ODAD2: variants seen among roughly 807,000 people sequenced by gnomAD.
ODAD2 encodes outer dynein arm docking complex subunit 2.
ODAD2 carries 89 observed loss-of-function variants against 106.8 expected under a neutral mutation model. The ratio of observed to expected loss-of-function variants is 0.83; its 90% CI spans 0.70 to 0.99. The LOEUF is 0.99. Ranked by LOEUF, ODAD2 falls within the 50% of genes least tolerant of loss-of-function variation. The pLI is 0.00. For missense variants in ODAD2, 1,168 were observed against 1,238.5 expected (o/e 0.94, Z 0.85); for synonymous variants, 404 against 436.2 (o/e 0.93, Z 0.92).
At position 27,924,048 on chromosome 10, in the gene ODAD2, GAGAAAGAAAGAA is replaced by G. The variant is rs373693559; in HGVS notation, c.2495+10950_2495+10961del. Among the ~76,000 whole-genome samples the G allele has an allele frequency of 4.7e-5, 6 of 126,820 alleles. No homozygotes were observed. In the South Asian group the frequency reaches 7.6e-4, roughly 16 times the overall value. The allele number at this position is 126,820 out of a possible 152,430, so 83.2% of individuals were successfully genotyped here. A position where few individuals can be genotyped will look rare whatever the true frequency, so the allele number is the denominator to read the frequency against. Reference sequence around the variant, plus strand: ...AAGGAAAGAGAAAGAAAGAAGGAAAGAGAAAGAAAGAAAGAAAGAAAGAAAGAGAATCCCAGT... The same window carrying G: ...AAGGAAAGAGAAAGAAAGAAGGAAAGAGAAAGAAAGAAAGAGAATCCCAGT... On this transcript the variant is annotated intron_variant, in intron 16 of 19. Transcript: ENST00000305242.
intron 7 of ODAD2, among the ~76,000 whole-genome samples, chr10:27,974,391 A>C (rs979733716): frequency 6.6e-6 from 1 of 152,096 alleles, no homozygotes; most frequent in African/African-American, 2.4e-5. Flanking sequence ...ATCCCGCTTG[A>C]GTTGATTTTT....
chr10:27,885,751 A>T (rs1161704484), intron 17 of ODAD2, among the ~76,000 whole-genome samples: 1 of 59,500 alleles, frequency 1.7e-5, no homozygotes, highest in Non-Finnish European at 2.9e-5. Flanking sequence ...GTTATATATA[A>T]TATATATTTT....
chr10:27,951,550 G>A (rs1847325731), intron 10 of ODAD2, among the ~76,000 whole-genome samples: 1 of 151,604 alleles, frequency 6.6e-6, no homozygotes, highest in African/African-American at 2.4e-5. Flanking sequence ...TGTTCCTCTA[G>A]AGAAAAAGAA....
At chr10:27,951,805 T>A (rs1001997558) in intron 10 of ODAD2, among the ~76,000 whole-genome samples, 4 of 152,022 alleles carry the variant, frequency 2.6e-5, no homozygotes, top group African/African-American at 4.8e-5. Flanking sequence ...CTGGACACAG[T>A]GGCTCACATC....
At chr10:27,824,684 C>A (rs1052115230) in intron 19 of ODAD2, among the ~76,000 whole-genome samples, 1 of 152,160 alleles carries the variant, frequency 6.6e-6, no homozygotes, top group African/African-American at 2.4e-5. Flanking sequence ...TAGGTTTCCT[C>A]CAGACTGTAA....
intron 17 of ODAD2, among the ~76,000 whole-genome samples, chr10:27,879,656 C>T (rs896243538): frequency 7.9e-5 from 12 of 152,156 alleles, no homozygotes; most frequent in African/African-American, 2.6e-4. Flanking sequence ...AACAGGGAGT[C>T]TTCAATTTAT....
chr10:27,906,600 C>T lies in ODAD2; in HGVS notation c.2610+1063G>A, dbSNP rs555084905. Among the ~76,000 whole-genome samples the T allele has an allele frequency of 4.6e-5, 7 of 152,302 alleles. No individual in the cohort carries two copies. In the East Asian group the frequency reaches 1.2e-3, roughly 25 times the overall value. Reference sequence around the variant, plus strand: ...GCAGCACTATTCACAATAGCAAAGACTTGGAACCAACCAAAACACCCATCA... The same window carrying T: ...GCAGCACTATTCACAATAGCAAAGATTTGGAACCAACCAAAACACCCATCA... On this transcript the variant is annotated intron_variant, in intron 17 of 19. Transcript: ENST00000305242.
intron 4 of ODAD2, 47 bp from the exon 5 acceptor site, chr10:27,984,337 C>G: frequency 8.1e-7 from 1 of 1,238,710 alleles, no homozygotes; most frequent in Non-Finnish European, 1.2e-6. Context: ...TAAACAGAAT[C>G]TAGGAAACAC....
intron 16 of ODAD2, among the ~76,000 whole-genome samples, chr10:27,924,018 GAAAGAAGGAA>G (rs1845034154): frequency 3.5e-5 from 5 of 141,798 alleles, no homozygotes; most frequent in Non-Finnish European, 6.1e-5. Flanking sequence ...AAGAAAGAAA[GAAAGAAGGAA>G]AGAGAAAGAA....
intron 19 of ODAD2, among the ~76,000 whole-genome samples, chr10:27,843,244 GC>G (rs1462113401): frequency 2.0e-5 from 3 of 152,172 alleles, no homozygotes; most frequent in African/African-American, 7.2e-5. Flanking sequence ...AATAAAAACA[GC>G]CTATCTGCAA....
chr10:27,937,220 C>T (rs1257201476), intron 14 of ODAD2, among the ~76,000 whole-genome samples: 6 of 152,204 alleles, frequency 3.9e-5, no homozygotes, highest in Middle Eastern at 6.8e-3. Context: ...TGATGCAACT[C>T]AGAGTCTTGG....
At chr10:27,915,148 C>CA (rs1301826145) in intron 16 of ODAD2, among the ~76,000 whole-genome samples, 1 of 152,050 alleles carries the variant, frequency 6.6e-6, no homozygotes, top group African/African-American at 2.4e-5. Context: ...AAAACCACAC[C>CA]TACACACATC....
chr10:27,897,161 C>T (rs1183591026), intron 17 of ODAD2, among the ~76,000 whole-genome samples: 1 of 152,066 alleles, frequency 6.6e-6, no homozygotes, highest in African/African-American at 2.4e-5. Context: ...CATCCCCTTC[C>T]CACCCGCCTG....
intron 12 of ODAD2, among the ~76,000 whole-genome samples, chr10:27,942,859 T>A (rs933119324): frequency 6.6e-6 from 1 of 152,234 alleles, no homozygotes; most frequent in African/African-American, 2.4e-5. Context: ...CATAAGTCTA[T>A]CTCATTTTTG....
intron 17 of ODAD2, among the ~76,000 whole-genome samples, chr10:27,887,886 A>T (rs1842329685): frequency 6.6e-6 from 1 of 152,078 alleles, no homozygotes; most frequent in Non-Finnish European, 1.5e-5. Context: ...AATAGAAAAG[A>T]TTGTAAGAGA....
chr10:27,940,874 C>T, intron 12 of ODAD2, 69 bp from the exon 13 acceptor site: 2 of 1,487,558 alleles, frequency 1.3e-6, no homozygotes, highest in Admixed American at 3.7e-5. Flanking sequence ...TCTTCAATAG[C>T]TACAGTGTTC....
chr10:27,889,492 G>A (rs370389486), intron 17 of ODAD2, among the ~76,000 whole-genome samples: 3 of 152,110 alleles, frequency 2.0e-5, no homozygotes, highest in Non-Finnish European at 2.9e-5. Context: ...AAGCTGGGTG[G>A]CCAGGCTGGA....
intron 19 of ODAD2, among the ~76,000 whole-genome samples, chr10:27,823,360 C>T (rs1311673626): frequency 2.6e-5 from 4 of 151,688 alleles, no homozygotes; most frequent in African/African-American, 9.7e-5. Context: ...GATGGCAATT[C>T]TCTGGAAAAA....
intron 17 of ODAD2, among the ~76,000 whole-genome samples, chr10:27,885,583 T>A (rs1842060953): frequency 1.4e-5 from 1 of 69,768 alleles, no homozygotes; most frequent in African/African-American, 5.8e-5. Flanking sequence ...TATATAAATA[T>A]ATAAATATAA....
Sources: gnomAD v4.1 joint callset for allele counts (sites outside exome capture counted in the v4.1 genomes callset) on GRCh38, gnomAD v4.1.1 for gene constraint, MANE v1.5 for transcripts, NCBI Gene and HGNC (gene_info 2026-07-23, HGNC 2026-07-21) for gene names.